Variants in MYO9A observed in about 807,000 individuals in gnomAD.
MYO9A encodes the protein myosin IXA, also known as unconventional myosin-IXa.
Under a neutral mutation model 293.3 loss-of-function variants are expected in MYO9A, and 103 were observed. That is an observed-to-expected ratio of 0.35 (90% CI 0.30 to 0.41). MYO9A has a LOEUF of 0.41. MYO9A is among the 10% of genes least tolerant of loss of function. MYO9A has a pLI of 1.00. For synonymous variants in MYO9A, 1,001 were observed against 1,035.7 expected, an observed-to-expected ratio of 0.97 and a Z score of 0.64; for missense variants, 2,685 against 3,033.0, an observed-to-expected ratio of 0.89 and a Z score of 2.69.
chr15:72,076,903 G>A (rs2079370543), intron 1 of MYO9A, among the ~76,000 whole-genome samples: 1 of 151,874 alleles, frequency 6.6e-6, no homozygotes, highest in African/African-American at 2.4e-5. Context: ...ACAGAAAAGA[G>A]AGTCCAGAAA....
intron 10 of MYO9A, 104 bp from the exon 11 acceptor site, chr15:71,991,341 G>T: frequency 1.2e-6 from 1 of 855,310 alleles, no homozygotes; most frequent in Non-Finnish European, 1.7e-6. Context: ...CTAAAGCAGT[G>T]TACAGGGGAT....
At chr15:72,001,367 C>T (rs2148701625) in intron 8 of MYO9A, among the ~76,000 whole-genome samples, 1 of 151,820 alleles carries the variant, frequency 6.6e-6, no homozygotes, top group East Asian at 1.9e-4. Flanking sequence ...ACAGCCTGGC[C>T]AACATGGGAA....
chr15:72,017,796 AAATT>A lies in MYO9A; in HGVS notation c.1155+1239_1155+1242del, dbSNP rs543326857. Among the ~76,000 whole-genome samples, 82 of 152,332 alleles carry A rather than the reference AAATT, an allele frequency of 5.4e-4. No individual in the cohort carries two copies. The South Asian group carries it at 0.016, about 30-fold the overall frequency. The stretch of plus-strand genomic sequence containing the variant: ...AATGTTTTCAGAAAGAATATTTAAT[AAATT>A]AATTCATTAATTAATAGACATAGGA... On this transcript the variant is annotated intron_variant, in intron 6 of 41. Coordinates refer to ENST00000356056, the MANE Select transcript of MYO9A (RefSeq NM_006901.4).
At chr15:71,863,104 A>AT (rs1172039507) in intron 32 of MYO9A, among the ~76,000 whole-genome samples, 12 of 150,292 alleles carry the variant, frequency 8.0e-5, no homozygotes, top group East Asian at 7.8e-4. Context: ...TTTTGTATAT[A>AT]TTTTTTTTTA....
At chr15:71,857,457 G>C (rs544338167) in intron 34 of MYO9A, among the ~76,000 whole-genome samples, 8 of 152,094 alleles carry the variant, frequency 5.3e-5, no homozygotes, top group Non-Finnish European at 1.0e-4. Context: ...ATATTACCAA[G>C]CAGTTTAAAA....
chr15:72,103,550 G>C (rs1017794512), intron 1 of MYO9A, among the ~76,000 whole-genome samples: 9 of 150,264 alleles, frequency 6.0e-5, no homozygotes, highest in Admixed American at 6.6e-5. Context: ...AGCAGAAGCA[G>C]TGGAAGCAGA....
At chr15:71,956,330 A>ATATTTAT (rs1555490831) in intron 14 of MYO9A, among the ~76,000 whole-genome samples, 2 of 75,584 alleles carry the variant, frequency 2.6e-5, no homozygotes, top group Admixed American at 1.7e-4. Flanking sequence ...AAAAAAAAAA[A>ATATTTAT]ATATATATAT....
chr15:71,996,164 A>G (rs142998122), intron 9 of MYO9A, among the ~76,000 whole-genome samples: 92 of 152,358 alleles, frequency 6.0e-4, no homozygotes, highest in African/African-American at 2.1e-3. Context: ...GAAAGAAAAG[A>G]AAAATGAAGA....
In MYO9A at chr15:71,854,505, C is replaced by T. The variant is rs143713074; in HGVS notation, c.6218G>A (p.Arg2073Gln). 4.5e-5 allele frequency: 73 copies of T among 1,613,402 alleles called. No homozygotes were observed. The African/African-American group carries it at 7.1e-4, about 16-fold the overall frequency. Residue 2073 changes from arginine (R) to glutamine (Q), a missense_variant, in exon 35 of 42, where the codon CGA (arginine) becomes CAA (glutamine). By Grantham distance (43) the Arg-to-Gln change is conservative. Around this residue, in one of 10 missense-constraint regions of MYO9A, gnomAD observed 238 missense variants for 269.1 expected, o/e 0.88. Transcript: ENST00000356056. ...CTTTTCCACTACTAAAGGAACAGTTCGGTCTTCACTGGTCAAACGGGACAG... is the reference window on the plus strand; with the variant it reads ...CTTTTCCACTACTAAAGGAACAGTTTGGTCTTCACTGGTCAAACGGGACAG... ...VELSRLTSED[R>Q]TVPLVVEKLI... is the part of the protein sequence containing the mutation.
chr15:71,984,341 T>C (rs1357793722), intron 11 of MYO9A, among the ~76,000 whole-genome samples: 1 of 152,206 alleles, frequency 6.6e-6, no homozygotes, highest in South Asian at 2.1e-4. Flanking sequence ...TAGTCTCTGG[T>C]TTCCTCTAGC....
At chr15:71,922,937 G>C (rs548659930) in intron 18 of MYO9A, among the ~76,000 whole-genome samples, 1 of 152,016 alleles carries the variant, frequency 6.6e-6, no homozygotes, top group Non-Finnish European at 1.5e-5. Flanking sequence ...AGAGAAAGTG[G>C]TGAAAGCGGG....
intron 28 of MYO9A, among the ~76,000 whole-genome samples, chr15:71,883,195 A>C (rs1480985453): frequency 6.6e-6 from 1 of 152,186 alleles, no homozygotes; most frequent in Non-Finnish European, 1.5e-5. Flanking sequence ...GTGAGGAGCA[A>C]CTGACTTAAT....
At chr15:71,854,699 A>G (rs2055795084) in intron 34 of MYO9A, 130 bp from the exon 35 acceptor site, 2 of 622,540 alleles carry the variant, frequency 3.2e-6, no homozygotes, top group Non-Finnish European at 5.2e-6. Context: ...GAGTTGGGAG[A>G]AAGGGAATTA....
intron 39 of MYO9A, among the ~76,000 whole-genome samples, chr15:71,844,005 T>TTTAAC (rs1219988128): frequency 2.0e-5 from 3 of 152,346 alleles, no homozygotes; most frequent in African/African-American, 7.2e-5. Flanking sequence ...CTATTTTGGT[T>TTTAAC]TTAACTTAAG....
chr15:72,094,372 T>TTTTTTA (rs58547019), intron 1 of MYO9A, among the ~76,000 whole-genome samples: 1 of 91,076 alleles, frequency 1.1e-5, no homozygotes, highest in African/African-American at 2.6e-5. Flanking sequence ...AGTGATTTTT[T>TTTTTTA]AACAAATTAA....
intron 1 of MYO9A, among the ~76,000 whole-genome samples, chr15:72,049,934 G>A (rs1382196157): frequency 6.6e-6 from 1 of 152,104 alleles, no homozygotes; most frequent in Non-Finnish European, 1.5e-5. Flanking sequence ...TGGCAGCCCT[G>A]GAAGTAAACT....
intron 8 of MYO9A, among the ~76,000 whole-genome samples, chr15:72,002,380 T>C (rs1395956105): frequency 6.6e-6 from 1 of 152,032 alleles, no homozygotes; most frequent in Non-Finnish European, 1.5e-5. Flanking sequence ...CCCGAGTAGC[T>C]GGGATTAGAG....
chr15:71,866,495 AAAT>A (rs1253378397), intron 32 of MYO9A, among the ~76,000 whole-genome samples: 2 of 152,074 alleles, frequency 1.3e-5, no homozygotes, highest in Non-Finnish European at 2.9e-5. Flanking sequence ...CCCATCTCTT[AAAT>A]AAATAAATGT....
chr15:72,065,792 T>TA (rs1461625751), intron 1 of MYO9A, among the ~76,000 whole-genome samples: 1 of 152,094 alleles, frequency 6.6e-6, no homozygotes, highest in Non-Finnish European at 1.5e-5. Flanking sequence ...GCAAAAGACT[T>TA]AAACAGATTA....
Sources: allele counts gnomAD v4.1 joint callset (sites outside exome capture counted in the v4.1 genomes callset), GRCh38; gene constraint gnomAD v4.1.1; regional missense constraint gnomAD v4.1.1; transcripts MANE v1.5; gene names NCBI Gene and HGNC (gene_info 2026-07-23, HGNC 2026-07-21).